GRK4: variants seen among roughly 807,000 people sequenced by gnomAD.
GRK4 encodes G protein-coupled receptor kinase 2-like.
In GRK4, 73 loss-of-function variants were observed where a neutral mutation model predicts 77.9. The ratio of observed to expected loss-of-function variants is 0.94; its 90% CI spans 0.78 to 1.14. The LOEUF (loss-of-function observed/expected upper bound fraction) is 1.14. Among genes scored for constraint, GRK4 ranks in the 50% most tolerant of loss-of-function variants. GRK4 has a pLI of 0.00. For missense variants in GRK4, 729 were observed against 700.2 expected (o/e 1.04, Z -0.46); for synonymous variants, 257 against 254.4 (o/e 1.01, Z -0.10).
At chr4:3,004,166 G>T (rs1226834141) in intron 4 of GRK4, 65 bp from the exon 5 acceptor site, 3 of 1,144,780 alleles carry the variant, frequency 2.6e-6, no homozygotes, top group Non-Finnish European at 3.9e-6. Flanking sequence ...ATAAGCATTA[G>T]GTTCTGTTCA....
chr4:2,989,733 A>T (rs990953971), intron 3 of GRK4, among the ~76,000 whole-genome samples: 2 of 152,236 alleles, frequency 1.3e-5, no homozygotes, highest in African/African-American at 4.8e-5. Flanking sequence ...AAGAATGATC[A>T]CTTTGGATGG....
At chr4:3,037,069 G>GTGTGTGTGTA (rs1553904175) in intron 13 of GRK4, among the ~76,000 whole-genome samples, 1 of 92,012 alleles carries the variant, frequency 1.1e-5, no homozygotes, top group Non-Finnish European at 2.1e-5. Context: ...GTGTGTGTGT[G>GTGTGTGTGTA]TATGTGTGTG....
chr4:3,035,384 A>G lies in GRK4; in HGVS notation c.1270-2A>G. The G allele has an allele frequency of 6.2e-7, 1 of 1,613,820 alleles. No individual in the cohort carries two copies. The highest frequency in any genetic ancestry group is 8.5e-7 in the Non-Finnish European group (1 of 1,179,930). ...AGTGGGTTGCATTTCTGCCTCTTGC[A>G]GTTACTCACCAAGAATCCAAGCAAG... On this transcript the variant is annotated splice_acceptor_variant, in intron 12 of 15. Coordinates refer to ENST00000398052, the MANE Select transcript of GRK4 (RefSeq NM_182982.3). LOFTEE classifies it high-confidence loss of function.
At chr4:3,040,538 G>T (rs751913194) in intron 15 of GRK4, 34 bp from the exon 16 acceptor site, 3 of 1,591,184 alleles carry the variant, frequency 1.9e-6, no homozygotes, top group Non-Finnish European at 8.6e-7. Context: ...CTTCGCATCA[G>T]CCGTGTGCCT....
At chr4:3,013,423 G>A (rs574548300) in intron 7 of GRK4, among the ~76,000 whole-genome samples, 1 of 152,242 alleles carries the variant, frequency 6.6e-6, no homozygotes, top group East Asian at 1.9e-4. Context: ...CACATATGGG[G>A]ACATTTAAAA....
chr4:3,009,828 G>A, intron 7 of GRK4, 117 bp downstream of exon 7: 1 of 626,618 alleles, frequency 1.6e-6, no homozygotes, highest in Non-Finnish European at 2.8e-6. Flanking sequence ...CTTAGTGGGT[G>A]TTTTGGGAAT....
At chr4:3,009,788 A>T in intron 7 of GRK4, 77 bp downstream of exon 7, 1 of 1,022,502 alleles carries the variant, frequency 9.8e-7, no homozygotes. Flanking sequence ...GGCTTCAGGT[A>T]ATGCATCAGC....
At chr4:3,002,083 A>G (rs1729976769) in intron 4 of GRK4, among the ~76,000 whole-genome samples, 1 of 152,132 alleles carries the variant, frequency 6.6e-6, no homozygotes, top group African/African-American at 2.4e-5. Flanking sequence ...GCAGTTTCAC[A>G]ATAAATATGA....
intron 1 of GRK4, among the ~76,000 whole-genome samples, chr4:2,964,826 G>C (rs1262556562): frequency 6.6e-6 from 1 of 152,096 alleles, no homozygotes; most frequent in Non-Finnish European, 1.5e-5. Flanking sequence ...AGAAGAACAA[G>C]TTTTCTTTTG....
chr4:3,026,177 T>G (rs2110025888), intron 10 of GRK4, among the ~76,000 whole-genome samples: 1 of 152,334 alleles, frequency 6.6e-6, no homozygotes, highest in South Asian at 2.1e-4. Context: ...TTGTCAGATA[T>G]TGCCAGATTC....
intron 1 of GRK4, among the ~76,000 whole-genome samples, chr4:2,982,493 A>C (rs1476226684): frequency 2.0e-5 from 3 of 152,232 alleles, no homozygotes; most frequent in African/African-American, 7.2e-5. Flanking sequence ...TTCTCTGCTC[A>C]ATGATTCAGC....
chr4:2,984,028 C>T (rs950190234), intron 1 of GRK4, among the ~76,000 whole-genome samples: 1 of 152,108 alleles, frequency 6.6e-6, no homozygotes, highest in African/African-American at 2.4e-5. Flanking sequence ...GGGACTCCCA[C>T]CTGGTCCCTC....
intron 1 of GRK4, among the ~76,000 whole-genome samples, chr4:2,974,181 T>C (rs931291561): frequency 1.3e-5 from 2 of 152,224 alleles, no homozygotes; most frequent in Non-Finnish European, 2.9e-5. Flanking sequence ...CTTTATTTTT[T>C]CCCATAGCAC....
chr4:2,992,512 T>C (rs905764814), intron 4 of GRK4, among the ~76,000 whole-genome samples: 9 of 151,832 alleles, frequency 5.9e-5, no homozygotes, highest in African/African-American at 1.2e-4. Flanking sequence ...AGACCATCTC[T>C]ACAAAAAAAT....
rs529182003 is a variant in GRK4 at position 2,983,359 on chromosome 4, T to TA, written c.53-1150dup. ...GCCTAAGCCATTATGTTCTCCTGGA[T>TA]AAAATTCAGTAAAATTTTAGCTGCC... On this transcript the variant is annotated intron_variant, in intron 1 of 15. Transcript: ENST00000398052. 3.5e-3 allele frequency among the ~76,000 whole-genome samples: 526 copies of TA among 152,350 alleles called. 3 individuals carry two copies. Among genetic ancestry groups the TA allele is most frequent in the Non-Finnish European group, 3.7e-3 (253 of 68,022 alleles).
At chr4:3,036,127 G>C (rs763983709) in intron 13 of GRK4, among the ~76,000 whole-genome samples, 1 of 152,202 alleles carries the variant, frequency 6.6e-6, no homozygotes, top group Non-Finnish European at 1.5e-5. Flanking sequence ...GGCCACCCGT[G>C]TCCCCTTTCT....
In GRK4 at chr4:3,027,984, G is replaced by A. The variant is rs1396410928; in HGVS notation, c.1043G>A (p.Gly348Glu). The part of the protein sequence containing the change: ...PEGQRVRGRV[G>E]TVGYMAPEVV... ...GGACAGAGGGTTCGAGGAAGAGTTGGAACAGTCGGCTACATGGGTTCGTGA... is the reference window on the plus strand; with the variant it reads ...GGACAGAGGGTTCGAGGAAGAGTTGAAACAGTCGGCTACATGGGTTCGTGA... Residue 348 changes from glycine (G) to glutamate (E), a missense_variant, in exon 11 of 16, where the codon GGA becomes GAA. Coordinates refer to ENST00000398052, the MANE Select transcript of GRK4 (RefSeq NM_182982.3). The A allele has an allele frequency of 1.9e-6, 3 of 1,614,142 alleles. No individual in the cohort carries two copies. The highest frequency in any genetic ancestry group is 2.2e-5 in the East Asian group (1 of 44,886).
intron 3 of GRK4, among the ~76,000 whole-genome samples, chr4:2,990,189 C>T (rs1725691714): frequency 6.6e-6 from 1 of 151,084 alleles, no homozygotes; most frequent in Non-Finnish European, 1.5e-5. Context: ...AGATCTCTCC[C>T]AGTCCTTTCC....
At chr4:2,999,824 T>C (rs1166126200) in intron 4 of GRK4, among the ~76,000 whole-genome samples, 1 of 152,110 alleles carries the variant, frequency 6.6e-6, no homozygotes, top group Non-Finnish European at 1.5e-5. Context: ...CAAAGAACAC[T>C]ATCAAGAAGT....
Sources: gnomAD v4.1 joint callset for allele counts (sites outside exome capture counted in the v4.1 genomes callset) on GRCh38, gnomAD v4.1.1 for gene constraint, MANE v1.5 for transcripts, NCBI Gene and HGNC (gene_info 2026-07-23, HGNC 2026-07-21) for gene names.